TFDP2: variants seen among roughly 807,000 people sequenced by gnomAD.
TFDP2 encodes transcription factor Dp-2.
Under a neutral mutation model 59.3 loss-of-function variants are expected in TFDP2, and 17 were observed. The observed-to-expected ratio is 0.29, with a 90% CI of 0.20 to 0.43. The LOEUF is 0.43. Among genes scored for constraint, TFDP2 ranks in the 20% least tolerant of loss-of-function variants. The pLI is 1.00. For missense variants in TFDP2, 391 were observed against 528.8 expected, an observed-to-expected ratio of 0.74 and a Z score of 2.56; for synonymous variants, 180 against 194.7, an observed-to-expected ratio of 0.92 and a Z score of 0.63.
At chr3:142,091,164 T>C (rs764656626) in intron 3 of TFDP2, among the ~76,000 whole-genome samples, 2 of 152,204 alleles carry the variant, frequency 1.3e-5, no homozygotes, top group Non-Finnish European at 2.9e-5. Flanking sequence ...ATCCTGACCT[T>C]AAGCAGCCTT....
intron 1 of TFDP2, among the ~76,000 whole-genome samples, chr3:142,139,058 G>T (rs905190313): frequency 6.6e-6 from 1 of 152,186 alleles, no homozygotes; most frequent in Non-Finnish European, 1.5e-5. Flanking sequence ...CCTATATTGG[G>T]TGCATATACA....
chr3:142,129,746 T>C (rs2062423613), intron 1 of TFDP2, among the ~76,000 whole-genome samples: 1 of 150,956 alleles, frequency 6.6e-6, no homozygotes, highest in Admixed American at 6.6e-5. Flanking sequence ...CAAACCAGCC[T>C]GGACAACATA....
intron 3 of TFDP2, among the ~76,000 whole-genome samples, chr3:142,009,548 C>A (rs71304115): frequency 6.6e-6 from 1 of 151,840 alleles, no homozygotes; most frequent in Non-Finnish European, 1.5e-5. Context: ...CCTGTCTCTA[C>A]TAAAAATACA....
chr3:142,115,597 C>T lies in TFDP2; in HGVS notation c.-92-13756G>A, dbSNP rs146596150. On this transcript the variant is annotated intron_variant, in intron 1 of 12. Transcript: ENST00000489671. ...CCTCCCAAAGTACTGGGATTACAGG[C>T]GTGAGCCACCGCGCCCGGCCCATTC... Among the ~76,000 whole-genome samples, 216 of 152,292 alleles carry T rather than the reference C, an allele frequency of 1.4e-3. 3 individuals are homozygous for T. Among genetic ancestry groups the T allele is most frequent in the Admixed American group, 0.012 (185 of 15,288 alleles).
At chr3:141,990,031 T>G (rs1942584445) in intron 6 of TFDP2, among the ~76,000 whole-genome samples, 2 of 151,652 alleles carry the variant, frequency 1.3e-5, no homozygotes. Context: ...ATAGCTGGGA[T>G]TACAGGCATG....
chr3:141,983,124 T>G (rs898821976), intron 6 of TFDP2, among the ~76,000 whole-genome samples: 5 of 152,162 alleles, frequency 3.3e-5, no homozygotes, highest in Non-Finnish European at 7.4e-5. Flanking sequence ...GGAAGGTTAA[T>G]AGAATATCAT....
At chr3:142,042,072 C>A (rs1256037466) in intron 3 of TFDP2, among the ~76,000 whole-genome samples, 1 of 152,088 alleles carries the variant, frequency 6.6e-6, no homozygotes, top group Non-Finnish European at 1.5e-5. Flanking sequence ...TTATAGTAGG[C>A]CTCAAAAATC....
intron 3 of TFDP2, among the ~76,000 whole-genome samples, chr3:142,009,313 A>G (rs1265933687): frequency 1.3e-5 from 2 of 152,232 alleles, no homozygotes; most frequent in Non-Finnish European, 2.9e-5. Flanking sequence ...TGAGTTTGAA[A>G]TCAATTTAAA....
rs887104285 is a variant in TFDP2 at position 142,135,443 on chromosome 3, A to C, written c.-93+13740T>G. Among the ~76,000 whole-genome samples, 3 of 152,014 alleles carry C rather than the reference A, an allele frequency of 2.0e-5. No individual in the cohort carries two copies. In the East Asian group the frequency reaches 5.8e-4, roughly 29 times the overall value. On this transcript the variant is annotated intron_variant, in intron 1 of 12. Transcript: ENST00000489671. ...TATTATACTTTAAGTTCTAGGGTACATGTGCACAACATGCAGGTTTGTTAC... is the reference window on the plus strand; with the variant it reads ...TATTATACTTTAAGTTCTAGGGTACCTGTGCACAACATGCAGGTTTGTTAC...
intron 11 of TFDP2, among the ~76,000 whole-genome samples, chr3:141,955,841 TC>T (rs1936547155): frequency 6.6e-6 from 1 of 152,084 alleles, no homozygotes; most frequent in South Asian, 2.1e-4. Flanking sequence ...AGAGTCTCGC[TC>T]TGTTGCCCAG....
intron 3 of TFDP2, among the ~76,000 whole-genome samples, chr3:142,032,943 T>C (rs1820941): frequency 0.88 from 134,265 of 152,262 alleles, 59,467 homozygotes; most frequent in African/African-American, 0.97. Context: ...TGCTTGTAAT[T>C]CCAGCACTTT....
chr3:142,057,685 A>G (rs911433174), intron 3 of TFDP2, among the ~76,000 whole-genome samples: 3 of 152,258 alleles, frequency 2.0e-5, no homozygotes, highest in African/African-American at 7.2e-5. Context: ...ATTTCAAACT[A>G]TATTAGGAGA....
chr3:142,129,169 A>T (rs1278326122), intron 1 of TFDP2, among the ~76,000 whole-genome samples: 1 of 151,998 alleles, frequency 6.6e-6, no homozygotes, highest in African/African-American at 2.4e-5. Context: ...TTTTTTACAC[A>T]TTCTCAGTGC....
intron 3 of TFDP2, among the ~76,000 whole-genome samples, chr3:142,025,823 G>A (rs1029761552): frequency 1.3e-5 from 2 of 152,090 alleles, no homozygotes; most frequent in African/African-American, 4.8e-5. Context: ...CAAAGGCCAG[G>A]CGTGTGGGCG....
At chr3:142,145,755 A>T (rs754341394) in intron 1 of TFDP2, among the ~76,000 whole-genome samples, 6 of 149,760 alleles carry the variant, frequency 4.0e-5, no homozygotes, top group Non-Finnish European at 9.0e-5. Context: ...TCCGAAAAAA[A>T]AGACAAAAAA....
In TFDP2 at chr3:141,949,151, T is replaced by A. The variant is rs1205667861; in HGVS notation, c.*3362A>T. ...CTACCTTGTTTTCAAGGACTGACTC[T>A]GGCATTATTTTTCAAATATGGCAGA... On this transcript the variant is annotated 3_prime_UTR_variant, in exon 13 of 13. Coordinates refer to ENST00000489671, the MANE Select transcript of TFDP2 (RefSeq NM_001178139.2). The A allele has an allele frequency of 6.6e-6, 1 of 151,994 alleles. No homozygotes were observed. Among genetic ancestry groups the A allele is most frequent in the African/African-American group, 2.4e-5 (1 of 41,374 alleles). The allele number at this position is 151,994 out of a possible 1,614,324, so 9.4% of individuals were successfully genotyped here.
chr3:142,141,945 C>A (rs903976240), intron 1 of TFDP2, among the ~76,000 whole-genome samples: 3 of 152,090 alleles, frequency 2.0e-5, no homozygotes, highest in Non-Finnish European at 4.4e-5. Context: ...AAGGAACACA[C>A]CCCAACATAA....
chr3:142,008,304 A>G (rs1435743169), intron 3 of TFDP2, among the ~76,000 whole-genome samples: 2 of 151,922 alleles, frequency 1.3e-5, no homozygotes, highest in African/African-American at 2.4e-5. Context: ...ATAACAAACC[A>G]GTCTTTCAAC....
At chr3:142,125,918 C>T (rs2062224978) in intron 1 of TFDP2, among the ~76,000 whole-genome samples, 1 of 151,914 alleles carries the variant, frequency 6.6e-6, no homozygotes, top group Non-Finnish European at 1.5e-5. Flanking sequence ...GTATATTTTC[C>T]TTCACATAGA....
Sources: allele counts gnomAD v4.1 joint callset (sites outside exome capture counted in the v4.1 genomes callset), GRCh38; gene constraint gnomAD v4.1.1; transcripts MANE v1.5; gene names NCBI Gene and HGNC (gene_info 2026-07-23, HGNC 2026-07-21).